SLC38A9: variants seen among roughly 807,000 people sequenced by gnomAD.
The protein encoded by SLC38A9 is solute carrier family 38 member 9.
In SLC38A9, 48 loss-of-function variants were observed where a neutral mutation model predicts 62.3. The observed-to-expected ratio is 0.77, with a 90% confidence interval of 0.61 to 0.98. The LOEUF (loss-of-function observed/expected upper bound fraction) is 0.98, where lower values mean the gene tolerates loss of function less well. Ranked by LOEUF, SLC38A9 falls within the 50% of genes least tolerant of loss-of-function variation. SLC38A9 has a pLI of 0.00. For missense variants in SLC38A9, 541 were observed against 679.8 expected (o/e 0.80, Z 2.27); for synonymous variants, 204 against 227.7 (o/e 0.90, Z 0.94).
chr5:55,654,078 C>T (rs1015193832), intron 9 of SLC38A9, among the ~76,000 whole-genome samples: 3 of 140,500 alleles, frequency 2.1e-5, no homozygotes, highest in Non-Finnish European at 4.6e-5. Context: ...ATCAGCTTTT[C>T]GTAAAGAACT....
At chr5:55,637,903 A>T (rs958116465) in intron 12 of SLC38A9, among the ~76,000 whole-genome samples, 1 of 152,172 alleles carries the variant, frequency 6.6e-6, no homozygotes, top group African/African-American at 2.4e-5. Flanking sequence ...TTTAGTTCCA[A>T]ATTGCAGGTC....
intron 2 of SLC38A9, among the ~76,000 whole-genome samples, chr5:55,710,558 A>G (rs1219908322): frequency 1.3e-5 from 2 of 151,958 alleles, no homozygotes; most frequent in Non-Finnish European, 2.9e-5. Context: ...AGGCAGAGAG[A>G]TTTTTCTCAA....
chr5:55,649,454 G>C, intron 10 of SLC38A9, 140 bp from the exon 11 acceptor site: 1 of 507,488 alleles, frequency 2.0e-6, no homozygotes, highest in Admixed American at 3.9e-5. Context: ...ACACCCAGCT[G>C]GGATCTAAAG....
At chr5:55,679,599 T>TGG (rs1156592329) in intron 3 of SLC38A9, among the ~76,000 whole-genome samples, 60 of 93,694 alleles carry the variant, frequency 6.4e-4, no homozygotes, top group Middle Eastern at 5.6e-3. Flanking sequence ...TTTTAGTTTT[T>TGG]TGTTTTTTTT....
At position 55,697,855 on chromosome 5, in the gene SLC38A9, C is replaced by A; in HGVS notation, c.104G>T (p.Arg35Ile). ...MNIQFEPSDL[R>I]SKRPFCIEPT... ...TATTTTAAATGCTTACCTTTTGGAT[C>A]TTAGATCCGATGGCTCAAACTGGAT... The change falls in exon 3 of 16, where the codon AGA becomes ATA. Residue 35 changes from arginine (R) to isoleucine (I), a missense_variant. Coordinates refer to ENST00000396865, the MANE Select transcript of SLC38A9 (RefSeq NM_173514.4). The A allele has an allele frequency of 6.3e-7, 1 of 1,574,884 alleles. No homozygotes were observed. Among genetic ancestry groups the A allele is most frequent in the South Asian group, 1.2e-5 (1 of 85,112 alleles).
chr5:55,706,205 A>C (rs1458156036), intron 2 of SLC38A9, among the ~76,000 whole-genome samples: 1 of 152,214 alleles, frequency 6.6e-6, no homozygotes, highest in African/African-American at 2.4e-5. Context: ...GTGGCAGTGA[A>C]ACAAGGGAAA....
chr5:55,626,930 G>A (rs1044024731), intron 15 of SLC38A9, among the ~76,000 whole-genome samples: 5 of 152,054 alleles, frequency 3.3e-5, no homozygotes, highest in African/African-American at 1.2e-4. Context: ...CTCTGTATTT[G>A]GTGATTGTGG....
chr5:55,629,014 A>G (rs981387503), intron 14 of SLC38A9, among the ~76,000 whole-genome samples: 2 of 151,974 alleles, frequency 1.3e-5, no homozygotes, highest in African/African-American at 4.8e-5. Context: ...GGTTAGTCAT[A>G]TACCCTGATG....
chr5:55,656,702 C>T lies in SLC38A9; in HGVS notation c.757+13G>A, dbSNP rs761098892. The stretch of plus-strand genomic sequence containing the variant: ...GGAGAGTAAAGAAACAAACAACATC[C>T]CAAACTACTTACCAGGGTTGCTATT... On this transcript the variant is annotated intron_variant, in intron 9 of 15. Coordinates refer to ENST00000396865, the MANE Select transcript of SLC38A9 (RefSeq NM_173514.4). 1 of 1,582,272 alleles carries T rather than the reference C, an allele frequency of 6.3e-7. No homozygotes were observed. Among genetic ancestry groups the T allele is most frequent in the Non-Finnish European group, 8.7e-7 (1 of 1,151,786 alleles).
intron 3 of SLC38A9, among the ~76,000 whole-genome samples, chr5:55,676,344 T>TA (rs202084113): frequency 9.9e-5 from 15 of 152,080 alleles, no homozygotes; most frequent in African/African-American, 1.4e-4. Context: ...CCCGTCTAAT[T>TA]AAAAAAAATT....
intron 3 of SLC38A9, among the ~76,000 whole-genome samples, chr5:55,680,045 A>G (rs1304028217): frequency 1.3e-5 from 2 of 152,254 alleles, no homozygotes; most frequent in Admixed American, 1.3e-4. Context: ...CAAACCCACC[A>G]GAACAATTTC....
chr5:55,652,575 C>G lies in SLC38A9; in HGVS notation c.906G>C (p.Leu302=). ...AAAATGAAGGAGACTTGAAATTGAGCAGTGGGAGGAGGAGCCCTACAAGAT... is the reference window on the plus strand; with the variant it reads ...AAAATGAAGGAGACTTGAAATTGAGGAGTGGGAGGAGGAGCCCTACAAGAT... ...PFYLVGLLLP[L]LNFKSPSFFS... is the part of the protein sequence containing the mutation. Residue 302 remains leucine, a synonymous_variant, in exon 10 of 16, where the codon CTG becomes CTC. Coordinates refer to ENST00000396865, the MANE Select transcript of SLC38A9 (RefSeq NM_173514.4). 6.2e-7 allele frequency: 1 copy of G among 1,606,604 alleles called. No homozygotes were observed. Among genetic ancestry groups the G allele is most frequent in the East Asian group, 2.2e-5 (1 of 44,786 alleles).
intron 10 of SLC38A9, among the ~76,000 whole-genome samples, chr5:55,652,267 G>C (rs1262758753): frequency 1.4e-5 from 2 of 143,030 alleles, no homozygotes; most frequent in Non-Finnish European, 3.0e-5. Flanking sequence ...CTGAGGCCAA[G>C]AATTGCTTGA....
chr5:55,660,166 T>G (rs1284558060), intron 8 of SLC38A9, among the ~76,000 whole-genome samples: 1 of 151,772 alleles, frequency 6.6e-6, no homozygotes, highest in Non-Finnish European at 1.5e-5. Context: ...ATCCCAGCAC[T>G]TTGGGAGGCC....
intron 3 of SLC38A9, among the ~76,000 whole-genome samples, chr5:55,678,667 T>TC (rs1255784276): frequency 9.2e-5 from 13 of 141,102 alleles, no homozygotes; most frequent in Non-Finnish European, 1.9e-4. Flanking sequence ...TTTTTTTTTT[T>TC]TTTTTTTGAG....
At chr5:55,645,962 G>T in intron 11 of SLC38A9, 67 bp from the exon 12 acceptor site, 1 of 975,292 alleles carries the variant, frequency 1.0e-6, no homozygotes, top group African/African-American at 1.7e-5. Context: ...GTAGCCAAAA[G>T]TTGACTACTA....
chr5:55,626,681 G>A (rs1742487233), intron 15 of SLC38A9, 22 bp from the exon 16 acceptor site: 2 of 1,566,230 alleles, frequency 1.3e-6, no homozygotes, highest in Non-Finnish European at 1.7e-6. Context: ...AAGCTTTTGG[G>A]GTTAATATTC....
intron 12 of SLC38A9, among the ~76,000 whole-genome samples, chr5:55,636,373 T>G (rs989179033): frequency 3.9e-5 from 6 of 152,108 alleles, no homozygotes; most frequent in Non-Finnish European, 7.4e-5. Context: ...AGTAAAAAGC[T>G]CCAAGATATT....
chr5:55,688,380 C>CTTT (rs767493953), intron 3 of SLC38A9, among the ~76,000 whole-genome samples: 2,747 of 123,204 alleles, frequency 0.022, 157 homozygotes, highest in African/African-American at 0.064. Context: ...GGCATAATCT[C>CTTT]TTTTTTTTTT....
Sources: gnomAD v4.1 joint callset for allele counts (sites outside exome capture counted in the v4.1 genomes callset) on GRCh38, gnomAD v4.1.1 for gene constraint, MANE v1.5 for transcripts, NCBI Gene and HGNC (gene_info 2026-07-23, HGNC 2026-07-21) for gene names.